The following VRK2 variants were observed in gnomAD, a reference collection of about 807,000 sequenced individuals.
VRK2 encodes the protein VRK serine/threonine kinase 2.
A neutral mutation model predicts 57.6 loss-of-function variants in VRK2; 60 were observed. The observed-to-expected ratio is 1.04, with a 90% CI of 0.85 to 1.29. The LOEUF is 1.29. Among genes scored for constraint, VRK2 ranks in the 50% most tolerant of loss-of-function variants. The pLI is 0.00. For missense variants in VRK2, 705 were observed against 588.1 expected, an observed-to-expected ratio of 1.20 and a Z score of -2.06; for synonymous variants, 231 against 199.2, an observed-to-expected ratio of 1.16 and a Z score of -1.35.
intron 1 of VRK2, chr2:58,047,511 G>C (rs1675016133): frequency 3.1e-6 from 3 of 955,390 alleles, no homozygotes; most frequent in South Asian, 9.7e-5. Context: ...CAAGCCCTGA[G>C]GCCGCTGCCT....
In VRK2 at chr2:58,065,410, A is replaced by T. The variant is rs535553303; in HGVS notation, c.136+16443A>T. ...ATGTGTCATTTGTGATTTTTTTTCC[A>T]CTTAGTGTAATGCCTTTGAGATTGA... is the stretch of plus-strand genomic sequence containing the variant. On this transcript the variant is annotated intron_variant, in intron 2 of 12. Transcript: ENST00000340157. 1.0e-3 allele frequency among the ~76,000 whole-genome samples: 157 copies of T among 152,038 alleles called. 2 individuals carry two copies. The highest frequency in any genetic ancestry group is 3.5e-3 in the African/African-American group (144 of 41,476).
intron 2 of VRK2, among the ~76,000 whole-genome samples, chr2:58,077,005 A>T (rs1285739329): frequency 6.6e-6 from 1 of 152,064 alleles, no homozygotes; most frequent in Non-Finnish European, 1.5e-5. Flanking sequence ...CAATACTATT[A>T]ACCTATTTAT....
At chr2:57,966,673 A>C (rs1273559998) in intron 1 of VRK2, among the ~76,000 whole-genome samples, 1 of 151,636 alleles carries the variant, frequency 6.6e-6, no homozygotes, top group Non-Finnish European at 1.5e-5. Flanking sequence ...AAATAAATGA[A>C]GGTTGAATAA....
At chr2:57,940,288 AAG>A (rs750867411) in intron 1 of VRK2, among the ~76,000 whole-genome samples, 1 of 152,084 alleles carries the variant, frequency 6.6e-6, no homozygotes, top group Non-Finnish European at 1.5e-5. Flanking sequence ...AGTCAAGGAA[AAG>A]AGAGGACTCA....
At chr2:57,967,502 G>A (rs1306319404) in intron 1 of VRK2, among the ~76,000 whole-genome samples, 3 of 151,398 alleles carry the variant, frequency 2.0e-5, no homozygotes, top group African/African-American at 4.9e-5. Context: ...ACACTTGGGG[G>A]GAAAAAGCTA....
At chr2:57,981,788 T>C (rs1282445812) in intron 1 of VRK2, among the ~76,000 whole-genome samples, 1 of 152,244 alleles carries the variant, frequency 6.6e-6, no homozygotes, top group Non-Finnish European at 1.5e-5. Flanking sequence ...TTTCAGTTGT[T>C]AGGCCATTTT....
chr2:58,133,422 C>T (rs1573306355), intron 9 of VRK2, among the ~76,000 whole-genome samples: 1 of 152,154 alleles, frequency 6.6e-6, no homozygotes, highest in African/African-American at 2.4e-5. Flanking sequence ...AAACCATAGA[C>T]ATTTTCAAAC....
intron 1 of VRK2, among the ~76,000 whole-genome samples, chr2:57,936,591 T>C (rs1670916965): frequency 6.6e-6 from 1 of 151,094 alleles, no homozygotes; most frequent in Non-Finnish European, 1.5e-5. Context: ...TGGAGTGCAG[T>C]GGAGGGATCT....
At chr2:58,115,678 T>C (rs970276992) in intron 7 of VRK2, among the ~76,000 whole-genome samples, 8 of 152,196 alleles carry the variant, frequency 5.3e-5, no homozygotes, top group Non-Finnish European at 8.8e-5. Flanking sequence ...TAATTGGACA[T>C]GATCAGCAGG....
chr2:58,118,324 G>A (rs2104457693), intron 7 of VRK2, among the ~76,000 whole-genome samples: 1 of 152,352 alleles, frequency 6.6e-6, no homozygotes, highest in African/African-American at 2.4e-5. Flanking sequence ...TCAGAGAGGT[G>A]TCCCTGCAAT....
At chr2:57,944,014 G>C (rs1671177743) in intron 1 of VRK2, among the ~76,000 whole-genome samples, 1 of 152,214 alleles carries the variant, frequency 6.6e-6, no homozygotes, top group Non-Finnish European at 1.5e-5. Flanking sequence ...CACTGGGCCA[G>C]ATTTGGCTCA....
At chr2:57,934,460 C>T (rs1670837781) in intron 1 of VRK2, among the ~76,000 whole-genome samples, 1 of 152,182 alleles carries the variant, frequency 6.6e-6, no homozygotes, top group Admixed American at 6.6e-5. Context: ...GTAGTTTCCC[C>T]AGTACGTAAC....
At chr2:57,930,452 G>T (rs528769500) in intron 1 of VRK2, among the ~76,000 whole-genome samples, 1 of 152,256 alleles carries the variant, frequency 6.6e-6, no homozygotes, top group Non-Finnish European at 1.5e-5. Flanking sequence ...GGGGAGGGGT[G>T]GCATCAGCAA....
chr2:58,089,462 G>A (rs533747883), intron 6 of VRK2, among the ~76,000 whole-genome samples, 169 bp from the exon 7 acceptor site: 1 of 152,222 alleles, frequency 6.6e-6, no homozygotes, highest in African/African-American at 2.4e-5. Flanking sequence ...TTTCTAGGAT[G>A]AGCAACCAGA....
chr2:57,919,435 T>C (rs1175019696), intron 1 of VRK2, among the ~76,000 whole-genome samples: 1 of 152,092 alleles, frequency 6.6e-6, no homozygotes, highest in Non-Finnish European at 1.5e-5. Flanking sequence ...GGCAATAATT[T>C]CTGAGTCCTG....
At chr2:58,022,940 T>A (rs1673808250) in intron 1 of VRK2, among the ~76,000 whole-genome samples, 1 of 152,222 alleles carries the variant, frequency 6.6e-6, no homozygotes, top group Non-Finnish European at 1.5e-5. Context: ...GAGATATTTT[T>A]AAATAATTAC....
intron 1 of VRK2, among the ~76,000 whole-genome samples, chr2:57,989,342 C>A (rs910353140): frequency 1.3e-5 from 2 of 152,166 alleles, no homozygotes; most frequent in African/African-American, 4.8e-5. Flanking sequence ...AGCCTGCCAT[C>A]TTGACAAAGT....
chr2:58,106,213 T>C (rs528833845), intron 7 of VRK2, among the ~76,000 whole-genome samples: 1 of 152,064 alleles, frequency 6.6e-6, no homozygotes, highest in East Asian at 1.9e-4. Context: ...AAAGGACAAG[T>C]TGGAAATAGA....
At chr2:58,030,050 T>TG (rs1237376008) in intron 2 of VRK2, among the ~76,000 whole-genome samples, 1 of 152,134 alleles carries the variant, frequency 6.6e-6, no homozygotes, top group Non-Finnish European at 1.5e-5. Flanking sequence ...TTTTGGTAGG[T>TG]GGTCTCAGGC....
Sources: allele counts gnomAD v4.1 joint callset (sites outside exome capture counted in the v4.1 genomes callset), GRCh38; gene constraint gnomAD v4.1.1; transcripts MANE v1.5; gene names NCBI Gene and HGNC (gene_info 2026-07-23, HGNC 2026-07-21).